Variants in DEPDC5 observed in about 807,000 individuals in gnomAD.
DEPDC5 encodes GATOR1 complex protein DEPDC5.
In DEPDC5, 73 loss-of-function variants were observed where a neutral mutation model predicts 217.3. The observed-to-expected ratio is 0.34, with a 90% CI of 0.28 to 0.41. DEPDC5 has a LOEUF of 0.41. Among genes scored for constraint, DEPDC5 ranks in the 10% least tolerant of loss-of-function variants. DEPDC5 has a pLI of 1.00. For synonymous variants in DEPDC5, 733 were observed against 756.7 expected, an observed-to-expected ratio of 0.97 and a Z score of 0.51; for missense variants, 1,675 against 2,070.1, an observed-to-expected ratio of 0.81 and a Z score of 3.70.
rs1169853031 is a variant in DEPDC5 at position 31,874,313 on chromosome 22, C to T, written c.3604C>T (p.Pro1202Ser). The change falls in exon 36 of 43, where the codon CCG becomes TCG. Residue 1202 changes from proline (P) to serine (S), a missense_variant. By Grantham distance (74) the Pro-to-Ser change is moderately conservative. This residue lies in a region of DEPDC5 where 194 missense variants were observed against 199.3 expected (regional missense o/e 0.97). Coordinates refer to ENST00000651528, the MANE Select transcript of DEPDC5 (RefSeq NM_001242896.3). ...QLLSEQKGLS[P>S]YCFISAEVVH... ...GCTCTCTGAACAGAAGGGCCTCTCA[C>T]CGTACTGCTTCATCAGCGCGGAGGT... 1.2e-6 allele frequency: 2 copies of T among 1,609,180 alleles called. No individual in the cohort carries two copies. The highest frequency in any genetic ancestry group is 1.1e-5 in the South Asian group (1 of 89,876).
chr22:31,830,829 A>G (rs2090546432), intron 24 of DEPDC5, among the ~76,000 whole-genome samples: 1 of 151,790 alleles, frequency 6.6e-6, no homozygotes. Context: ...AGTCTAGAAC[A>G]GGTTTTCTTT....
At chr22:31,779,571 T>C (rs1339957168) in intron 8 of DEPDC5, among the ~76,000 whole-genome samples, 2 of 152,168 alleles carry the variant, frequency 1.3e-5, no homozygotes, top group Non-Finnish European at 2.9e-5. Context: ...AGAGTGTTTC[T>C]AAGGAGAATT....
chr22:31,892,924 G>A (rs2149374216), intron 38 of DEPDC5, among the ~76,000 whole-genome samples: 1 of 143,138 alleles, frequency 7.0e-6, no homozygotes, highest in South Asian at 2.2e-4. Flanking sequence ...TTGCCAGACT[G>A]GAGTGCAATG....
At chr22:31,810,888 G>A (rs893953008) in intron 20 of DEPDC5, among the ~76,000 whole-genome samples, 1 of 152,132 alleles carries the variant, frequency 6.6e-6, no homozygotes, top group African/African-American at 2.4e-5. Flanking sequence ...CGGTTCTCCT[G>A]CCTCAGCCTC....
chr22:31,828,469 A>C (rs1266463293), intron 24 of DEPDC5, among the ~76,000 whole-genome samples: 1 of 151,916 alleles, frequency 6.6e-6, no homozygotes, highest in Non-Finnish European at 1.5e-5. Context: ...AAAAAAAAAA[A>C]AAAAACAGTT....
chr22:31,843,621 G>T, intron 28 of DEPDC5, 24 bp from the exon 29 acceptor site: 5 of 1,580,264 alleles, frequency 3.2e-6, no homozygotes, highest in Non-Finnish European at 4.3e-6. Flanking sequence ...TTTTGAATTT[G>T]GGGACCTGCC....
chr22:31,879,588 AG>A lies in DEPDC5; in HGVS notation c.3870del (p.Gln1290HisfsTer55). On this transcript the variant is annotated frameshift_variant, in exon 38 of 43. Transcript: ENST00000651528. LOFTEE classifies it high-confidence loss of function. ...TAGVDDFASF[Q>X]RKWFEVAFVA... ...GGAGTGGACGACTTCGCCAGCTTCC[AG>A]CGCAAGTGGTTTGAGGTGGCCTTTG... is the stretch of plus-strand genomic sequence containing the variant. The A allele has an allele frequency of 6.2e-7, 1 of 1,613,766 alleles. No individual in the cohort carries two copies. Among genetic ancestry groups the A allele is most frequent in the East Asian group, 2.2e-5 (1 of 44,890 alleles).
chr22:31,780,256 A>G (rs958798128), intron 8 of DEPDC5, among the ~76,000 whole-genome samples: 1 of 152,176 alleles, frequency 6.6e-6, no homozygotes, highest in South Asian at 2.1e-4. Context: ...ACATTTCTGG[A>G]TAGGGTCCAC....
chr22:31,805,787 GT>G (rs2087455527), intron 17 of DEPDC5, among the ~76,000 whole-genome samples: 1 of 152,174 alleles, frequency 6.6e-6, no homozygotes, highest in Admixed American at 6.6e-5. Flanking sequence ...ATATTAGACT[GT>G]TTTTGACCTA....
At chr22:31,812,067 C>T (rs1022228054) in intron 20 of DEPDC5, among the ~76,000 whole-genome samples, 1 of 150,778 alleles carries the variant, frequency 6.6e-6, no homozygotes, top group African/African-American at 2.4e-5. Context: ...CGGCTCACTG[C>T]AGCCTCTGCC....
intron 26 of DEPDC5, chr22:31,837,389 C>T (rs192586708): frequency 2.7e-5 from 15 of 555,922 alleles, no homozygotes; most frequent in Non-Finnish European, 4.0e-5. Flanking sequence ...CTCACTCTGT[C>T]GCTCGGGTTG....
chr22:31,772,591 C>T (rs1232037450), intron 7 of DEPDC5, among the ~76,000 whole-genome samples: 1 of 152,036 alleles, frequency 6.6e-6, no homozygotes, highest in East Asian at 1.9e-4. Context: ...AGGTCTATTG[C>T]ATATTCTGTG....
At chr22:31,839,853 G>A (rs1332546081) in intron 27 of DEPDC5, among the ~76,000 whole-genome samples, 1 of 152,160 alleles carries the variant, frequency 6.6e-6, no homozygotes, top group Non-Finnish European at 1.5e-5. Flanking sequence ...GGGTTAATAA[G>A]TATATGAATT....
intron 40 of DEPDC5, among the ~76,000 whole-genome samples, chr22:31,899,323 C>A (rs1200970798): frequency 6.6e-6 from 1 of 152,158 alleles, no homozygotes; most frequent in Non-Finnish European, 1.5e-5. Flanking sequence ...TCTTAAAAAT[C>A]TGACAAGAGT....
chr22:31,822,297 G>A (rs1271115288), intron 23 of DEPDC5, among the ~76,000 whole-genome samples: 1 of 152,158 alleles, frequency 6.6e-6, no homozygotes, highest in Non-Finnish European at 1.5e-5. Context: ...TGACACCCTA[G>A]GGGATAGATA....
chr22:31,845,447 A>G (rs1454795619), intron 30 of DEPDC5, among the ~76,000 whole-genome samples: 1 of 152,234 alleles, frequency 6.6e-6, no homozygotes, highest in Non-Finnish European at 1.5e-5. Flanking sequence ...GTTCTGTGGC[A>G]TAGAGCCATT....
chr22:31,792,183 T>G, intron 11 of DEPDC5, 81 bp downstream of exon 11: 1 of 1,067,148 alleles, frequency 9.4e-7, no homozygotes, highest in African/African-American at 1.6e-5. Flanking sequence ...TTTCATTTTT[T>G]TCCTCGTTGC....
chr22:31,860,064 A>G (rs1036928997), intron 32 of DEPDC5, among the ~76,000 whole-genome samples: 1 of 152,204 alleles, frequency 6.6e-6, no homozygotes, highest in South Asian at 2.1e-4. Context: ...TCGCAAATAT[A>G]TTAGATTGCT....
chr22:31,837,757 A>G (rs2091118138), intron 26 of DEPDC5, among the ~76,000 whole-genome samples: 1 of 151,874 alleles, frequency 6.6e-6, no homozygotes, highest in African/African-American at 2.4e-5. Context: ...GCTGGAGTGC[A>G]GTGGTGCAGT....
Sources: gnomAD v4.1 joint callset for allele counts (sites outside exome capture counted in the v4.1 genomes callset) on GRCh38, gnomAD v4.1.1 for gene constraint, gnomAD v4.1.1 regional missense constraint, MANE v1.5 for transcripts, NCBI Gene and HGNC (gene_info 2026-07-23, HGNC 2026-07-21) for gene names.